The following XIRP2 variants were observed in gnomAD, a reference collection of about 807,000 sequenced individuals.
The protein encoded by XIRP2 is xin actin binding repeat containing 2.
In XIRP2, 236 loss-of-function variants were observed where a neutral mutation model predicts 277.0. That is an observed-to-expected ratio of 0.85 (90% confidence interval 0.77 to 0.95). The LOEUF (loss-of-function observed/expected upper bound fraction) is 0.95. Among genes scored for constraint, XIRP2 ranks in the 40% least tolerant of loss-of-function variants. The probability of loss-of-function intolerance (pLI) is 0.00; values close to 1 mark genes in which losing one functional copy is unlikely to be tolerated. For synonymous variants in XIRP2, 1,490 were observed against 1,416.5 expected, an observed-to-expected ratio of 1.05 and a Z score of -1.17; for missense variants, 4,640 against 4,157.5, an observed-to-expected ratio of 1.12 and a Z score of -3.19.
In XIRP2 at chr2:167,108,994, T is replaced by C. The variant is rs551278275; in HGVS notation, c.409-26915T>C. Among the ~76,000 whole-genome samples, 21 of 152,110 alleles carry C rather than the reference T, an allele frequency of 1.4e-4. No individual in the cohort carries two copies. The South Asian group carries it at 4.2e-3, about 30-fold the overall frequency. ...GGTAACAAACTTGGTACCCAATAGG[T>C]ACTTTTTCTGATACTGTCCTTCCTC... On this transcript the variant is annotated intron_variant, in intron 2 of 10. Transcript: ENST00000409195.
intron 2 of XIRP2, among the ~76,000 whole-genome samples, chr2:166,926,632 A>G (rs1401439228): frequency 6.6e-6 from 1 of 152,200 alleles, no homozygotes; most frequent in Admixed American, 6.6e-5. Flanking sequence ...GACAGATTTG[A>G]GTCACTTTTT....
At chr2:166,961,597 C>T (rs141519174) in intron 2 of XIRP2, among the ~76,000 whole-genome samples, 220 of 151,746 alleles carry the variant, frequency 1.4e-3, no homozygotes, top group African/African-American at 5.0e-3. Flanking sequence ...TCAAATATGT[C>T]TCCTTTTGCC....
chr2:167,019,370 G>A (rs899231047), intron 2 of XIRP2, among the ~76,000 whole-genome samples: 3 of 152,054 alleles, frequency 2.0e-5, no homozygotes, highest in Admixed American at 2.0e-4. Context: ...GAATAAGAAA[G>A]GTTAGCAGGT....
At chr2:167,224,725 A>G (rs1038183347) in intron 5 of XIRP2, among the ~76,000 whole-genome samples, 1 of 152,196 alleles carries the variant, frequency 6.6e-6, no homozygotes, top group Non-Finnish European at 1.5e-5. Context: ...CATTAAAAAT[A>G]TTGACCCTTA....
intron 2 of XIRP2, among the ~76,000 whole-genome samples, chr2:166,968,684 C>G (rs1686491231): frequency 6.6e-6 from 1 of 152,056 alleles, no homozygotes; most frequent in Admixed American, 6.6e-5. Flanking sequence ...TAGATCTTCT[C>G]TGTTTTCAAG....
chr2:167,088,133 T>A (rs114809783), intron 2 of XIRP2, among the ~76,000 whole-genome samples: 1 of 152,172 alleles, frequency 6.6e-6, no homozygotes, highest in African/African-American at 2.4e-5. Context: ...AAATCATGGA[T>A]GTTTAAAAGT....
At chr2:167,186,341 T>C (rs577894859) in intron 3 of XIRP2, among the ~76,000 whole-genome samples, 59 of 152,290 alleles carry the variant, frequency 3.9e-4, no homozygotes, top group African/African-American at 1.2e-3. Context: ...AAAAATGTAA[T>C]ATACCTACTG....
intron 1 of XIRP2, among the ~76,000 whole-genome samples, chr2:166,892,287 A>C (rs1474163814): frequency 6.6e-6 from 1 of 152,130 alleles, no homozygotes; most frequent in East Asian, 1.9e-4. Flanking sequence ...AAAATATTTA[A>C]AGTCATGTTT....
intron 2 of XIRP2, among the ~76,000 whole-genome samples, chr2:167,047,699 G>A (rs535081884): frequency 6.6e-6 from 1 of 152,014 alleles, no homozygotes; most frequent in Non-Finnish European, 1.5e-5. Context: ...TCTATCACCT[G>A]TTTAGGGCTC....
rs374654762 is a variant in XIRP2, at chr2:167,246,353, T to G, written c.4961T>G (p.Ile1654Arg). The G allele has an allele frequency of 1.2e-6, 2 of 1,612,778 alleles. No homozygotes were observed. The highest frequency in any genetic ancestry group is 1.3e-5 in the African/African-American group (1 of 74,774). The change falls in exon 9 of 11, where the codon ATA (isoleucine) becomes AGA (arginine). Residue 1654 changes from isoleucine (I) to arginine (R), a missense_variant. By Grantham distance (97) the Ile-to-Arg change is moderately conservative. Transcript: ENST00000409195. Reference sequence around the variant, plus strand: ...GAATTTCATGCTGAAAAAGAAGAGATAGTGAAAGGTGATGTACAACAAGCA... The same window carrying G: ...GAATTTCATGCTGAAAAAGAAGAGAGAGTGAAAGGTGATGTACAACAAGCA... The part of the protein sequence containing the change: ...STEFHAEKEE[I>R]VKGDVQQAIK...
intron 3 of XIRP2, among the ~76,000 whole-genome samples, chr2:167,153,951 A>G (rs564834833): frequency 6.5e-4 from 99 of 151,494 alleles, no homozygotes; most frequent in African/African-American, 2.3e-3. Flanking sequence ...GTCAAATGGT[A>G]TTTCTAATTC....
intron 2 of XIRP2, among the ~76,000 whole-genome samples, chr2:167,097,680 A>G (rs1301665932): frequency 6.6e-6 from 1 of 152,016 alleles, no homozygotes; most frequent in Non-Finnish European, 1.5e-5. Flanking sequence ...TGTTTTTGCT[A>G]TGGTTGGTAC....
At chr2:167,220,406 C>A (rs1694386109) in intron 5 of XIRP2, among the ~76,000 whole-genome samples, 1 of 152,164 alleles carries the variant, frequency 6.6e-6, no homozygotes. Context: ...ACAGTATCCA[C>A]CCCATGGATT....
chr2:167,210,218 A>G (rs746899802), intron 3 of XIRP2, among the ~76,000 whole-genome samples: 2 of 152,178 alleles, frequency 1.3e-5, no homozygotes, highest in Non-Finnish European at 2.9e-5. Context: ...AGGGGTGAGG[A>G]GAGAAGAAAG....
intron 2 of XIRP2, among the ~76,000 whole-genome samples, chr2:167,120,466 G>A (rs995048624): frequency 3.3e-5 from 5 of 152,036 alleles, no homozygotes; most frequent in African/African-American, 4.8e-5. Flanking sequence ...AGTCTCCAAG[G>A]CATTTAAGAC....
intron 2 of XIRP2, among the ~76,000 whole-genome samples, chr2:167,074,364 A>G (rs1689508504): frequency 6.6e-6 from 1 of 152,134 alleles, no homozygotes; most frequent in Non-Finnish European, 1.5e-5. Context: ...GACTTTTTAA[A>G]ATACTTGAAA....
chr2:167,095,931 TG>T (rs1484740744), intron 2 of XIRP2, among the ~76,000 whole-genome samples: 1 of 138,828 alleles, frequency 7.2e-6, no homozygotes, highest in African/African-American at 2.7e-5. Flanking sequence ...TGGAGTGTAG[TG>T]GCATGATCTT....
At position 166,978,547 on chromosome 2, in the gene XIRP2, C is replaced by G. The variant is rs187698510; in HGVS notation, c.408+74657C>G. Among the ~76,000 whole-genome samples, 90 of 152,200 alleles carry G rather than the reference C, an allele frequency of 5.9e-4. No homozygotes were observed. The Middle Eastern group carries it at 0.02, about 35-fold the overall frequency. On this transcript the variant is annotated intron_variant, in intron 2 of 10. Coordinates refer to ENST00000409195, the MANE Select transcript of XIRP2 (RefSeq NM_152381.6). ...TATTTATTTATTTATTTTTAACTTT[C>G]AGCAATGGGTAGCAGTTTGTGTGAA...
intron 2 of XIRP2, among the ~76,000 whole-genome samples, chr2:166,918,030 T>C (rs1307407694): frequency 1.3e-5 from 2 of 152,190 alleles, no homozygotes; most frequent in Non-Finnish European, 2.9e-5. Flanking sequence ...TTTTCATGGT[T>C]ACAGATTTTT....
Sources: allele counts gnomAD v4.1 joint callset (sites outside exome capture counted in the v4.1 genomes callset), GRCh38; gene constraint gnomAD v4.1.1; transcripts MANE v1.5; gene names NCBI Gene and HGNC (gene_info 2026-07-23, HGNC 2026-07-21).